Variants in STK4 observed in about 807,000 individuals in gnomAD.
STK4 encodes serine/threonine kinase 4.
In STK4, 30 loss-of-function variants were observed where a neutral mutation model predicts 64.9. That is an observed-to-expected ratio of 0.46 (90% confidence interval 0.35 to 0.63). The LOEUF is 0.63. STK4 is among the 20% of genes least tolerant of loss of function. The probability of loss-of-function intolerance (pLI) is 0.01; values close to 1 mark genes in which losing one functional copy is unlikely to be tolerated. For missense variants in STK4, 466 were observed against 598.5 expected (o/e 0.78, Z 2.31); for synonymous variants, 177 against 199.0 (o/e 0.89, Z 0.93).
Position 45,000,510 on chromosome 20 carries a change from A to T in STK4, c.950A>T (p.Glu317Val). Residue 317 changes from glutamate to valine, a missense_variant, in exon 8 of 11, where the codon GAA becomes GTA. Glu to Val is a moderately radical substitution (Grantham distance 121). This residue lies in a region of STK4 where 276 missense variants were observed against 308.9 expected (regional missense o/e 0.89). Transcript: ENST00000372806. ...SQQREVDQDD[E>V]ENSEEDEMDS... is the part of the protein sequence containing the mutation. ...CAGCGGGAAGTGGACCAGGACGATG[A>T]AGAAAACTCAGTGAGTGGCAGCCGT... 1.2e-6 allele frequency: 2 copies of T among 1,614,008 alleles called. No homozygotes were observed. Among genetic ancestry groups the T allele is most frequent in the Non-Finnish European group, 1.7e-6 (2 of 1,179,906 alleles).
chr20:45,064,378 GT>G (rs368413962), intron 10 of STK4, among the ~76,000 whole-genome samples: 5 of 144,906 alleles, frequency 3.5e-5, no homozygotes, highest in Non-Finnish European at 4.6e-5. Context: ...CTGCAGCTTT[GT>G]TTTTTTTTTG....
intron 7 of STK4, among the ~76,000 whole-genome samples, chr20:44,999,260 T>C (rs1336662136): frequency 6.6e-6 from 1 of 152,166 alleles, no homozygotes; most frequent in Non-Finnish European, 1.5e-5. Flanking sequence ...GGCAATATGA[T>C]ATTATTGCAA....
chr20:45,058,150 C>T (rs1978663894), intron 10 of STK4, among the ~76,000 whole-genome samples: 1 of 151,786 alleles, frequency 6.6e-6, no homozygotes, highest in African/African-American at 2.4e-5. Context: ...AGTCCTAAGA[C>T]TTTATGGCCA....
intron 9 of STK4, among the ~76,000 whole-genome samples, chr20:45,013,773 A>G (rs749050531): frequency 5.3e-5 from 8 of 152,088 alleles, no homozygotes; most frequent in African/African-American, 1.4e-4. Flanking sequence ...TCATTTGTCT[A>G]TCTTTACCAA....
At chr20:45,062,843 A>AT (rs35335969) in intron 10 of STK4, among the ~76,000 whole-genome samples, 6,253 of 106,304 alleles carry the variant, frequency 0.059, 210 homozygotes, top group East Asian at 0.13. Flanking sequence ...ACGCCCGGCT[A>AT]TTTTTTTTTT....
intron 7 of STK4, among the ~76,000 whole-genome samples, chr20:44,997,748 G>A (rs910939096): frequency 5.3e-5 from 8 of 152,320 alleles, no homozygotes; most frequent in African/African-American, 1.9e-4. Context: ...AGGGAGGTTT[G>A]AATCTATTTG....
rs1204758943 is a variant in STK4, at chr20:44,972,126, A to T, written c.84A>T (p.Glu28Asp). The T allele has an allele frequency of 6.2e-7, 1 of 1,614,016 alleles. No individual in the cohort carries two copies. Among genetic ancestry groups the T allele is most frequent in the East Asian group, 2.2e-5 (1 of 44,844 alleles). ...ATAGTTTAACCAAACAACCAGAAGA[A>T]GTATTTGATGTCTTAGAGAAACTTG... ...DEDSLTKQPE[E>D]VFDVLEKLGE... The change falls in exon 2 of 11, where the codon GAA becomes GAT. Residue 28 changes from glutamate to aspartate, a missense_variant. Coordinates refer to ENST00000372806, the MANE Select transcript of STK4 (RefSeq NM_006282.5).
chr20:45,038,759 G>A (rs1205464456), intron 10 of STK4, among the ~76,000 whole-genome samples: 4 of 151,352 alleles, frequency 2.6e-5, no homozygotes, highest in Non-Finnish European at 4.4e-5. Context: ...TACTGAATTA[G>A]AAATTAAAAC....
At position 45,035,286 on chromosome 20, in the gene STK4, A is replaced by G. The variant is rs148893555; in HGVS notation, c.1305+10156A>G. On this transcript the variant is annotated intron_variant, in intron 10 of 10. Coordinates refer to ENST00000372806, the MANE Select transcript of STK4 (RefSeq NM_006282.5). ...AGAGAGAGAATATATTACTATATCA[A>G]TATATTACTTGCTTAACTTAAAAGA... Among the ~76,000 whole-genome samples, 561 of 152,278 alleles carry G rather than the reference A, an allele frequency of 3.7e-3. 3 individuals are homozygous for G. The highest frequency in any genetic ancestry group is 0.013 in the African/African-American group (527 of 41,576).
Position 44,997,320 on chromosome 20 carries a change from T to C in STK4, c.831+14T>C, listed in dbSNP as rs1222549056. ...CAGCTCCTGCAGGTATGAATCACCC[T>C]GTGATGCCATCTCGCTCCATTTCAT... On this transcript the variant is annotated intron_variant, in intron 7 of 10. Transcript: ENST00000372806. 2 of 1,576,336 alleles carry C rather than the reference T, an allele frequency of 1.3e-6. No individual in the cohort carries two copies. Among genetic ancestry groups the C allele is most frequent in the Admixed American group, 2.0e-5 (1 of 51,148 alleles).
At chr20:45,034,192 A>G (rs2068491041) in intron 10 of STK4, among the ~76,000 whole-genome samples, 1 of 152,036 alleles carries the variant, frequency 6.6e-6, no homozygotes, top group Middle Eastern at 3.2e-3. Flanking sequence ...AAGATTATAA[A>G]TAAGTTAAAA....
chr20:44,997,245 T>G lies in STK4; in HGVS notation c.770T>G (p.Phe257Cys), dbSNP rs768176881. The stretch of plus-strand genomic sequence containing the variant: ...CTATGGTCAGATAACTTTACAGATT[T>G]TGTGAAACAGTGTCTTGTAAAGAGC... The part of the protein sequence containing the change: ...PELWSDNFTD[F>C]VKQCLVKSPE... The change falls in exon 7 of 11, where the codon TTT becomes TGT. Residue 257 changes from phenylalanine (F) to cysteine (C), a missense_variant. By Grantham distance (205) the Phe-to-Cys change is radical. Transcript: ENST00000372806. 6.2e-7 allele frequency: 1 copy of G among 1,613,874 alleles called. No homozygotes were observed. The highest frequency in any genetic ancestry group is 1.1e-5 in the South Asian group (1 of 91,006).
intron 10 of STK4, among the ~76,000 whole-genome samples, chr20:45,063,107 G>A (rs1332239331): frequency 7.2e-6 from 1 of 139,650 alleles, no homozygotes; most frequent in Non-Finnish European, 1.5e-5. Context: ...GGGCTCAGTT[G>A]ATCCACCCAT....
At chr20:45,035,831 A>T (rs2068519034) in intron 10 of STK4, among the ~76,000 whole-genome samples, 1 of 152,216 alleles carries the variant, frequency 6.6e-6, no homozygotes, top group Non-Finnish European at 1.5e-5. Flanking sequence ...AGAGTTTATG[A>T]TGTAGCAGAA....
intron 10 of STK4, among the ~76,000 whole-genome samples, chr20:45,033,810 CTT>C (rs2068484307): frequency 6.6e-6 from 1 of 152,112 alleles, no homozygotes; most frequent in Admixed American, 6.5e-5. Flanking sequence ...AATCTCCTGA[CTT>C]TGGGTGATCT....
chr20:45,046,433 T>A lies in STK4; in HGVS notation c.1305+21303T>A, dbSNP rs1204079649. Reference sequence around the variant, plus strand: ...CTGGGTAACAGAATGAGACCCTATCTCAAAACTAAAAGGAAAAAAAAAAAA... The same window carrying A: ...CTGGGTAACAGAATGAGACCCTATCACAAAACTAAAAGGAAAAAAAAAAAA... On this transcript the variant is annotated intron_variant, in intron 10 of 10. Transcript: ENST00000372806. Among the ~76,000 whole-genome samples the A allele has an allele frequency of 3.4e-5, 5 of 146,336 alleles. No individual in the cohort carries two copies. In the East Asian group the frequency reaches 1.0e-3, roughly 30 times the overall value.
chr20:45,035,285 A>G (rs556984042), intron 10 of STK4, among the ~76,000 whole-genome samples: 17 of 152,280 alleles, frequency 1.1e-4, no homozygotes, highest in African/African-American at 3.8e-4. Flanking sequence ...TTACTATATC[A>G]ATATATTACT....
At chr20:44,986,431 T>G (rs1000491698) in intron 4 of STK4, among the ~76,000 whole-genome samples, 11 of 152,122 alleles carry the variant, frequency 7.2e-5, no homozygotes, top group Admixed American at 6.6e-4. Flanking sequence ...TGAAACAGAT[T>G]GAGCAAGGTA....
intron 1 of STK4, among the ~76,000 whole-genome samples, chr20:44,968,429 G>T (rs1379441088): frequency 1.3e-5 from 2 of 152,240 alleles, no homozygotes; most frequent in African/African-American, 2.4e-5. Flanking sequence ...GAGCCACCGG[G>T]CCCGGCCATG....
Sources: allele counts gnomAD v4.1 joint callset (sites outside exome capture counted in the v4.1 genomes callset), GRCh38; gene constraint gnomAD v4.1.1; regional missense constraint gnomAD v4.1.1; transcripts MANE v1.5; gene names NCBI Gene and HGNC (gene_info 2026-07-23, HGNC 2026-07-21).